Variants in DSCAML1 observed in about 807,000 individuals in gnomAD.
DSCAML1 encodes cell adhesion molecule DSCAML1.
In DSCAML1, 38 loss-of-function variants were observed where a neutral mutation model predicts 200.5. The ratio of observed to expected loss-of-function variants is 0.19; its 90% CI spans 0.15 to 0.25. DSCAML1 has a LOEUF of 0.25. Among genes scored for constraint, DSCAML1 ranks in the 10% least tolerant of loss-of-function variants. The probability of loss-of-function intolerance (pLI) is 1.00; values close to 1 mark genes in which losing one functional copy is unlikely to be tolerated. For synonymous variants in DSCAML1, 1,215 were observed against 1,165.0 expected, an observed-to-expected ratio of 1.04 and a Z score of -0.87; for missense variants, 2,223 against 2,858.8, an observed-to-expected ratio of 0.78 and a Z score of 5.07.
chr11:117,771,893 T>G (rs1479352880), intron 3 of DSCAML1, among the ~76,000 whole-genome samples: 1 of 152,176 alleles, frequency 6.6e-6, no homozygotes, highest in Admixed American at 6.5e-5. Context: ...GTTATTATTA[T>G]TATTATTCCT....
intron 1 of DSCAML1, among the ~76,000 whole-genome samples, chr11:117,781,444 C>T (rs915511519): frequency 1.3e-5 from 2 of 152,172 alleles, no homozygotes; most frequent in Admixed American, 6.5e-5. Context: ...TTTCTATCAT[C>T]CCACAGACGA....
chr11:117,457,360 T>C (rs1265507096), intron 19 of DSCAML1, among the ~76,000 whole-genome samples: 1 of 152,018 alleles, frequency 6.6e-6, no homozygotes, highest in Non-Finnish European at 1.5e-5. Flanking sequence ...GTTAAACAGG[T>C]GGAGGTGCTT....
At chr11:117,448,544 G>A (rs10790184) in intron 20 of DSCAML1, among the ~76,000 whole-genome samples, 60,950 of 151,464 alleles carry the variant, frequency 0.4, 12,645 homozygotes, top group East Asian at 0.72. Context: ...GGAAGAAGCC[G>A]CGGGGCAAAG....
At chr11:117,643,324 T>C (rs922190664) in intron 3 of DSCAML1, among the ~76,000 whole-genome samples, 2 of 152,182 alleles carry the variant, frequency 1.3e-5, no homozygotes, top group Admixed American at 6.5e-5. Context: ...TGTGTGTGCA[T>C]GTCTGATTGT....
At chr11:117,641,532 CA>C (rs2052407571) in intron 3 of DSCAML1, among the ~76,000 whole-genome samples, 1 of 152,154 alleles carries the variant, frequency 6.6e-6, no homozygotes, top group Non-Finnish European at 1.5e-5. Flanking sequence ...GTGACCTGGC[CA>C]GTGGGTACTG....
intron 21 of DSCAML1, 95 bp from the exon 22 acceptor site, chr11:117,440,031 C>T: frequency 1.8e-6 from 2 of 1,083,212 alleles, no homozygotes. Context: ...CAGTTCAAAT[C>T]CTCCCTCCCC....
At position 117,480,581 on chromosome 11, in the gene DSCAML1, G is replaced by A. The variant is rs778123285; in HGVS notation, c.2657-10C>T. On this transcript the variant is annotated splice_polypyrimidine_tract_variant and intron_variant, in intron 13 of 32. Transcript: ENST00000651296. The surrounding 1 kb of genome is among the most constrained non-coding windows in gnomAD (Gnocchi z 4.1). Reference sequence around the variant, plus strand: ...GGGGGGTCGGGGGGCTCTAGGGTGCGGCAGTGGAGGGGAGGGAAGTGAGGA... The same window carrying A: ...GGGGGGTCGGGGGGCTCTAGGGTGCAGCAGTGGAGGGGAGGGAAGTGAGGA... The A allele has an allele frequency of 2.1e-5, 33 of 1,553,768 alleles. No individual in the cohort carries two copies. Among genetic ancestry groups the A allele is most frequent in the South Asian group, 8.3e-5 (7 of 84,316 alleles).
intron 3 of DSCAML1, among the ~76,000 whole-genome samples, chr11:117,534,230 G>A (rs76746136): frequency 0.023 from 3,504 of 152,288 alleles, 140 homozygotes; most frequent in African/African-American, 0.077. Context: ...CCAAGCACAA[G>A]TCCAAGATTC....
At chr11:117,474,401 GTTC>G (rs1321754203) in intron 14 of DSCAML1, among the ~76,000 whole-genome samples, 1 of 152,258 alleles carries the variant, frequency 6.6e-6, no homozygotes, top group Non-Finnish European at 1.5e-5. Flanking sequence ...AATGGTTCGA[GTTC>G]TTCAAGCCTC....
chr11:117,572,554 C>A (rs767990146), intron 3 of DSCAML1, among the ~76,000 whole-genome samples: 2 of 152,158 alleles, frequency 1.3e-5, no homozygotes, highest in Non-Finnish European at 2.9e-5. Flanking sequence ...AGGAGTGTAT[C>A]CTCCGGTCAC....
chr11:117,793,387 T>A (rs1224677231), intron 1 of DSCAML1, among the ~76,000 whole-genome samples: 1 of 152,152 alleles, frequency 6.6e-6, no homozygotes, highest in Non-Finnish European at 1.5e-5. Flanking sequence ...GGAACTCGTA[T>A]CCCTGCAGAA....
In DSCAML1 at chr11:117,437,770, A is replaced by AC; in HGVS notation, c.4432+124_4432+125insG. 3.7e-6 allele frequency: 4 copies of AC among 1,086,286 alleles called. No homozygotes were observed. The South Asian group carries it at 6.7e-5, about 18-fold the overall frequency. The allele number at this position is 1,086,286 out of a possible 1,614,324, so 67.3% of individuals were successfully genotyped here. On this transcript the variant is annotated intron_variant, in intron 25 of 32. Transcript: ENST00000651296. This position sits in a 1 kb window ranked among gnomAD's most constrained non-coding sequence, Gnocchi z 5.3. ...GAAGGAGGCTGAGGCTCCTCCCTTC[A>AC]GTCTCCCTGCATCCCTGGACCCCTC...
chr11:117,746,090 C>T (rs12283370), intron 3 of DSCAML1, among the ~76,000 whole-genome samples: 2,806 of 150,992 alleles, frequency 0.019, 83 homozygotes, highest in African/African-American at 0.063. Flanking sequence ...GGTGTGGTGG[C>T]GGGAGCCTGT....
intron 3 of DSCAML1, among the ~76,000 whole-genome samples, chr11:117,534,161 G>A (rs1394353424): frequency 6.6e-6 from 1 of 152,184 alleles, no homozygotes; most frequent in African/African-American, 2.4e-5. Context: ...CAGCCAAGAT[G>A]AGAGCTCTGC....
At chr11:117,690,550 A>G (rs10892162) in intron 3 of DSCAML1, among the ~76,000 whole-genome samples, 38,559 of 152,174 alleles carry the variant, frequency 0.25, 6,663 homozygotes, top group African/African-American at 0.49. Flanking sequence ...AGGGATCACC[A>G]AGCTATCTGC....
Position 117,482,024 on chromosome 11 carries a change from C to A in DSCAML1, c.2498G>T (p.Arg833Leu), listed in dbSNP as rs761341575. ...GGTGGCGATGGCATACCGCATGACG[C>A]GGTCAGGGTCGATGACTGTGTCCCC... ...EKGDTVIDPD[R>L]VMRYAIATKD... The change falls in exon 12 of 33, where the codon CGC becomes CTC. Residue 833 changes from arginine (R) to leucine (L), a missense_variant. Physicochemically the swap from Arg to Leu is moderately radical, Grantham distance 102 (BLOSUM62 -2). This residue lies in a region of DSCAML1 where 438 missense variants were observed against 629.7 expected (regional missense o/e 0.70). Transcript: ENST00000651296. The A allele has an allele frequency of 6.2e-7, 1 of 1,614,184 alleles. No homozygotes were observed. The highest frequency in any genetic ancestry group is 2.2e-5 in the East Asian group (1 of 44,884).
At chr11:117,481,065 ATCC>A (rs2137212931) in intron 13 of DSCAML1, 106 bp downstream of exon 13, 1 of 1,068,234 alleles carries the variant, frequency 9.4e-7, no homozygotes, top group South Asian at 1.4e-5. Context: ...GTTTCCTGTC[ATCC>A]TCCACCATGG....
chr11:117,465,365 A>G (rs2048559442), intron 16 of DSCAML1, among the ~76,000 whole-genome samples, 183 bp from the exon 17 acceptor site: 1 of 151,696 alleles, frequency 6.6e-6, no homozygotes, highest in South Asian at 2.1e-4. Context: ...ACCTCCCATT[A>G]CCTCTCAGAT....
At chr11:117,478,289 C>A (rs1475744406) in intron 14 of DSCAML1, among the ~76,000 whole-genome samples, 2 of 152,182 alleles carry the variant, frequency 1.3e-5, no homozygotes, top group Non-Finnish European at 2.9e-5. Flanking sequence ...CAGGCATCCA[C>A]CTCCCATCCC....
Sources: gnomAD v4.1 joint callset for allele counts (sites outside exome capture counted in the v4.1 genomes callset) on GRCh38, gnomAD v4.1.1 for gene constraint, gnomAD v4.1.1 regional missense constraint, Gnocchi (gnomAD v3.1) non-coding constraint, MANE v1.5 for transcripts, NCBI Gene and HGNC (gene_info 2026-07-23, HGNC 2026-07-21) for gene names.